Variants in XKR4 observed in about 807,000 individuals in gnomAD.
The protein encoded by XKR4 is XK related 4, also known as XK-related protein 4.
Under a neutral mutation model 53.9 loss-of-function variants are expected in XKR4, and 12 were observed. The ratio of observed to expected loss-of-function variants is 0.22; its 90% CI spans 0.14 to 0.36. The LOEUF is 0.36. Ranked by LOEUF, XKR4 falls within the 10% of genes least tolerant of loss-of-function variation. The pLI, the probability that XKR4 is intolerant of heterozygous loss-of-function variation, is 1.00. For synonymous variants in XKR4, 354 were observed against 362.4 expected (o/e 0.98, Z 0.26); for missense variants, 799 against 859.5 (o/e 0.93, Z 0.88).
intron 1 of XKR4, among the ~76,000 whole-genome samples, chr8:55,256,497 C>T (rs575773513): frequency 2.0e-5 from 3 of 152,286 alleles, no homozygotes; most frequent in Admixed American, 2.0e-4. Context: ...ATTTGGGAAA[C>T]ATTTAGGAAA....
intron 1 of XKR4, among the ~76,000 whole-genome samples, chr8:55,221,747 A>G (rs1817884821): frequency 6.6e-6 from 1 of 151,926 alleles, no homozygotes; most frequent in Non-Finnish European, 1.5e-5. Flanking sequence ...GCCTCACTGG[A>G]CTCGCTCGCT....
chr8:55,121,633 C>T (rs1183385848), intron 1 of XKR4, among the ~76,000 whole-genome samples: 1 of 152,060 alleles, frequency 6.6e-6, no homozygotes, highest in Non-Finnish European at 1.5e-5. Flanking sequence ...GACATGTAGA[C>T]ATTGAGTTCT....
chr8:55,430,985 G>A (rs1805095489), intron 2 of XKR4, among the ~76,000 whole-genome samples: 1 of 152,198 alleles, frequency 6.6e-6, no homozygotes, highest in South Asian at 2.1e-4. Flanking sequence ...GCCCCTAGCA[G>A]TTACCATGGG....
chr8:55,108,669 T>C (rs1208192031), intron 1 of XKR4, among the ~76,000 whole-genome samples: 1 of 152,224 alleles, frequency 6.6e-6, no homozygotes, highest in Non-Finnish European at 1.5e-5. Context: ...AGTTATTTTC[T>C]TAGGATACAG....
At chr8:55,430,862 A>C (rs116772103) in intron 2 of XKR4, among the ~76,000 whole-genome samples, 48 of 152,250 alleles carry the variant, frequency 3.2e-4, no homozygotes, top group African/African-American at 9.4e-4. Context: ...TTGTGACCTA[A>C]TTTTAACTTA....
At chr8:55,268,280 T>C (rs569131449) in intron 1 of XKR4, among the ~76,000 whole-genome samples, 3 of 152,342 alleles carry the variant, frequency 2.0e-5, no homozygotes, top group South Asian at 4.1e-4. Flanking sequence ...ATTTTCAGCA[T>C]TTTAATTGAG....
intron 1 of XKR4, among the ~76,000 whole-genome samples, chr8:55,133,222 T>G (rs1271289685): frequency 6.6e-6 from 1 of 152,220 alleles, no homozygotes; most frequent in Non-Finnish European, 1.5e-5. Context: ...ACACAAGAAA[T>G]TTTTAAGAGT....
chr8:55,344,091 CA>C (rs1714642970), intron 1 of XKR4, among the ~76,000 whole-genome samples: 1 of 152,272 alleles, frequency 6.6e-6, no homozygotes, highest in African/African-American at 2.4e-5. Flanking sequence ...GACAGGACCT[CA>C]GGGCCACCAG....
chr8:55,109,276 T>C (rs549215509), intron 1 of XKR4, among the ~76,000 whole-genome samples: 1 of 152,314 alleles, frequency 6.6e-6, no homozygotes, highest in Admixed American at 6.5e-5. Flanking sequence ...CAGAAGATCA[T>C]CTTCCAGCTC....
intron 1 of XKR4, among the ~76,000 whole-genome samples, chr8:55,185,698 C>T (rs1370697678): frequency 1.3e-5 from 2 of 152,210 alleles, no homozygotes; most frequent in African/African-American, 4.8e-5. Context: ...GTTTTAAATA[C>T]TTAGTTCTGG....
chr8:55,507,462 T>C (rs980765869), intron 2 of XKR4, among the ~76,000 whole-genome samples: 4 of 152,154 alleles, frequency 2.6e-5, no homozygotes, highest in African/African-American at 7.2e-5. Flanking sequence ...TAACTCATCA[T>C]TTAACATCAG....
At chr8:55,423,349 C>G (rs1050884975) in intron 2 of XKR4, among the ~76,000 whole-genome samples, 1 of 152,204 alleles carries the variant, frequency 6.6e-6, no homozygotes, top group Non-Finnish European at 1.5e-5. Context: ...CCTGCCTCGG[C>G]CTCCCAAAGT....
intron 1 of XKR4, among the ~76,000 whole-genome samples, chr8:55,189,795 C>T (rs1023772568): frequency 2.0e-5 from 3 of 152,142 alleles, no homozygotes; most frequent in African/African-American, 7.2e-5. Flanking sequence ...CTTTCTGCCA[C>T]CATTTGTTCT....
rs200763995 is a variant in XKR4 at position 55,459,715 on chromosome 8, G to T, written c.1007-63566G>T. On this transcript the variant is annotated intron_variant, in intron 2 of 2. Coordinates refer to ENST00000327381, the MANE Select transcript of XKR4 (RefSeq NM_052898.2). ...AACATCTTTTAGTAACTAGGGAAAA[G>T]TAAATTAAAAGCGCACACCCACTAT... 4.6e-5 allele frequency among the ~76,000 whole-genome samples: 7 copies of T among 152,160 alleles called. No individual in the cohort carries two copies. The East Asian group carries it at 1.3e-3, about 29-fold the overall frequency.
In XKR4 at chr8:55,178,595, T is replaced by C. The variant is rs569726409; in HGVS notation, c.806+75301T>C. On this transcript the variant is annotated intron_variant, in intron 1 of 2. Transcript: ENST00000327381. ...GGCAAAATAAAACCAAAACCTGTCT[T>C]TGTACTGTGGTGGAAGAGAGACCCC... Among the ~76,000 whole-genome samples the C allele has an allele frequency of 1.1e-4, 17 of 152,264 alleles. No individual in the cohort carries two copies. The South Asian group carries it at 3.5e-3, about 32-fold the overall frequency.
intron 1 of XKR4, among the ~76,000 whole-genome samples, chr8:55,337,467 T>C (rs1486530112): frequency 6.6e-6 from 1 of 152,230 alleles, no homozygotes; most frequent in Non-Finnish European, 1.5e-5. Context: ...AGTCCTTTCA[T>C]GTGTAATGAA....
At chr8:55,445,782 A>T (rs1445523200) in intron 2 of XKR4, among the ~76,000 whole-genome samples, 1 of 152,192 alleles carries the variant, frequency 6.6e-6, no homozygotes, top group Non-Finnish European at 1.5e-5. Context: ...AATGAGAAAA[A>T]CAATTGTAAG....
At chr8:55,438,417 C>T (rs775278171) in intron 2 of XKR4, among the ~76,000 whole-genome samples, 19 of 151,468 alleles carry the variant, frequency 1.3e-4, no homozygotes, top group Non-Finnish European at 2.4e-4. Flanking sequence ...GAAACCCCGT[C>T]TCTATTAAAA....
chr8:55,209,698 G>A (rs1252476542), intron 1 of XKR4, among the ~76,000 whole-genome samples: 2 of 152,178 alleles, frequency 1.3e-5, no homozygotes, highest in African/African-American at 2.4e-5. Context: ...CCAGGTGCGT[G>A]TTGCTGCAAG....
Sources: allele counts gnomAD v4.1 joint callset (sites outside exome capture counted in the v4.1 genomes callset), GRCh38; gene constraint gnomAD v4.1.1; transcripts MANE v1.5; gene names NCBI Gene and HGNC (gene_info 2026-07-23, HGNC 2026-07-21).